ARHGAP31: variants seen among roughly 807,000 people sequenced by gnomAD.
ARHGAP31 encodes rho GTPase-activating protein 31.
Under a neutral mutation model 113.9 loss-of-function variants are expected in ARHGAP31, and 34 were observed. The ratio of observed to expected loss-of-function variants is 0.30; its 90% confidence interval spans 0.23 to 0.40. ARHGAP31 has a LOEUF of 0.40. Among genes scored for constraint, ARHGAP31 ranks in the 10% least tolerant of loss-of-function variants. ARHGAP31 has a pLI of 1.00. For missense variants in ARHGAP31, 1,548 were observed against 1,767.1 expected (o/e 0.88, Z 2.22); for synonymous variants, 650 against 684.8 (o/e 0.95, Z 0.79).
intron 8 of ARHGAP31, among the ~76,000 whole-genome samples, chr3:119,395,163 T>C (rs1393250958): frequency 6.6e-6 from 1 of 152,212 alleles, no homozygotes; most frequent in African/African-American, 2.4e-5. Context: ...TGTGAGATAA[T>C]ATTTTTAACG....
chr3:119,403,957 A>T (rs1194939650), intron 10 of ARHGAP31, among the ~76,000 whole-genome samples: 2 of 152,154 alleles, frequency 1.3e-5, no homozygotes, highest in East Asian at 3.8e-4. Flanking sequence ...ATGTCCATAA[A>T]ATACCTGTCC....
At position 119,415,152 on chromosome 3, in the gene ARHGAP31, G is replaced by A. The variant is rs777789268; in HGVS notation, c.3223G>A (p.Val1075Met). The change falls in exon 12 of 12, where the codon GTG becomes ATG. Residue 1075 changes from valine (V) to methionine (M), a missense_variant. Coordinates refer to ENST00000264245, the MANE Select transcript of ARHGAP31 (RefSeq NM_020754.4). Reference sequence around the variant, plus strand: ...GAGCAGCAAGGAGAGTTCACCCAGCGTGCAGGACAGCACTTCGCCTGGAGA... The same window carrying A: ...GAGCAGCAAGGAGAGTTCACCCAGCATGCAGGACAGCACTTCGCCTGGAGA... ...PESSKESSPS[V>M]QDSTSPGEHP... 3.8e-5 allele frequency: 62 copies of A among 1,614,074 alleles called. No homozygotes were observed. The highest frequency in any genetic ancestry group is 5.3e-5 in the African/African-American group (4 of 74,914).
At chr3:119,351,459 T>C (rs1295698225) in intron 1 of ARHGAP31, among the ~76,000 whole-genome samples, 4 of 152,208 alleles carry the variant, frequency 2.6e-5, no homozygotes, top group African/African-American at 9.6e-5. Context: ...AGTTTGCCAC[T>C]AGCTGTTTGA....
chr3:119,399,485 C>A (rs536345599), intron 9 of ARHGAP31, among the ~76,000 whole-genome samples: 2 of 152,228 alleles, frequency 1.3e-5, no homozygotes, highest in African/African-American at 4.8e-5. Context: ...CCTCTTTGCC[C>A]ATCCTTCCTC....
At position 119,365,435 on chromosome 3, in the gene ARHGAP31, GC is replaced by G. The variant is rs1249021813; in HGVS notation, c.203+20del. 6.2e-7 allele frequency: 1 copy of G among 1,601,802 alleles called. No individual in the cohort carries two copies. Among genetic ancestry groups the G allele is most frequent in the Non-Finnish European group, 8.6e-7 (1 of 1,169,440 alleles). Reference sequence around the variant, plus strand: ...ACGGCTAAGGTAAGCTAAAAGAATAGCCCTAAAAGAATTCTCCCATGATTCC... The same window carrying G: ...ACGGCTAAGGTAAGCTAAAAGAATAGCCTAAAAGAATTCTCCCATGATTCC... On this transcript the variant is annotated intron_variant, in intron 2 of 11. Transcript: ENST00000264245.
intron 3 of ARHGAP31, among the ~76,000 whole-genome samples, chr3:119,368,788 A>T (rs1212898582): frequency 6.6e-6 from 1 of 152,204 alleles, no homozygotes; most frequent in East Asian, 1.9e-4. Flanking sequence ...CTTATTGTAT[A>T]GGGAGGAAAC....
At chr3:119,337,354 G>C (rs142779926) in intron 1 of ARHGAP31, among the ~76,000 whole-genome samples, 3 of 152,092 alleles carry the variant, frequency 2.0e-5, no homozygotes, top group East Asian at 1.9e-4. Context: ...CTTTCCTCCC[G>C]GTGGCTTCAT....
intron 1 of ARHGAP31, among the ~76,000 whole-genome samples, chr3:119,361,545 C>A (rs1041649520): frequency 1.4e-4 from 22 of 152,098 alleles, no homozygotes; most frequent in South Asian, 6.2e-4. Context: ...CCACACCTGG[C>A]AAATTTTTGC....
chr3:119,412,161 G>A (rs2080721901), intron 11 of ARHGAP31, among the ~76,000 whole-genome samples: 1 of 152,118 alleles, frequency 6.6e-6, no homozygotes, highest in Non-Finnish European at 1.5e-5. Flanking sequence ...GGTTGAGGCG[G>A]GCGGATCACC....
In ARHGAP31 at chr3:119,333,150, A is replaced by C. The variant is rs141117689; in HGVS notation, c.101-32166A>C. On this transcript the variant is annotated intron_variant, in intron 1 of 11. Coordinates refer to ENST00000264245, the MANE Select transcript of ARHGAP31 (RefSeq NM_020754.4). ...TTGTTCCATATGTTGGAAATACTGG[A>C]CCCAAACAGCCCAACCCAGCATTCT... is the stretch of plus-strand genomic sequence containing the variant. Among the ~76,000 whole-genome samples the C allele has an allele frequency of 2.8e-3, 432 of 152,292 alleles. 11 individuals carry two copies. The South Asian group carries it at 0.06, about 21-fold the overall frequency.
At chr3:119,320,857 G>C (rs958155477) in intron 1 of ARHGAP31, among the ~76,000 whole-genome samples, 1 of 152,206 alleles carries the variant, frequency 6.6e-6, no homozygotes. Context: ...GAGGGACCTG[G>C]TGGGAGGTAA....
chr3:119,400,078 T>C (rs1398724950), intron 9 of ARHGAP31, among the ~76,000 whole-genome samples: 1 of 152,192 alleles, frequency 6.6e-6, no homozygotes, highest in African/African-American at 2.4e-5. Context: ...ATTTTTCTCT[T>C]TCAAAAATGG....
intron 3 of ARHGAP31, among the ~76,000 whole-genome samples, chr3:119,368,761 T>G (rs2080271200): frequency 6.6e-6 from 1 of 152,250 alleles, no homozygotes; most frequent in Non-Finnish European, 1.5e-5. Context: ...TCTCCATGTT[T>G]ATTCAACTGA....
intron 1 of ARHGAP31, among the ~76,000 whole-genome samples, chr3:119,352,948 A>G (rs557014350): frequency 6.6e-6 from 1 of 152,240 alleles, no homozygotes; most frequent in South Asian, 2.1e-4. Flanking sequence ...CCTTGTTTAT[A>G]CTATTCTCTG....
At chr3:119,347,685 C>T (rs2080071853) in intron 1 of ARHGAP31, among the ~76,000 whole-genome samples, 1 of 152,140 alleles carries the variant, frequency 6.6e-6, no homozygotes, top group South Asian at 2.1e-4. Flanking sequence ...ACCCAGAGTG[C>T]CCTGGATATA....
intron 3 of ARHGAP31, among the ~76,000 whole-genome samples, chr3:119,378,371 CA>C (rs2080366518): frequency 6.6e-6 from 1 of 151,964 alleles, no homozygotes; most frequent in Non-Finnish European, 1.5e-5. Flanking sequence ...GGAGAGGTTG[CA>C]AATAATGAAA....
At chr3:119,388,988 T>C (rs1365209753) in intron 6 of ARHGAP31, among the ~76,000 whole-genome samples, 1 of 151,980 alleles carries the variant, frequency 6.6e-6, no homozygotes, top group Admixed American at 6.6e-5. Context: ...GAAACCCCAT[T>C]ACTATTTTAG....
chr3:119,395,001 G>A (rs1436845733), intron 8 of ARHGAP31, among the ~76,000 whole-genome samples: 2 of 152,130 alleles, frequency 1.3e-5, no homozygotes, highest in Admixed American at 1.3e-4. Context: ...TAGGTAGGTA[G>A]ATAAATATCA....
chr3:119,298,257 A>G (rs2079550614), intron 1 of ARHGAP31, among the ~76,000 whole-genome samples: 1 of 152,186 alleles, frequency 6.6e-6, no homozygotes, highest in Admixed American at 6.5e-5. Context: ...CCTGTCTGGA[A>G]TAAAGGGAGA....
Sources: allele counts gnomAD v4.1 joint callset (sites outside exome capture counted in the v4.1 genomes callset), GRCh38; gene constraint gnomAD v4.1.1; transcripts MANE v1.5; gene names NCBI Gene and HGNC (gene_info 2026-07-23, HGNC 2026-07-21).